The following ITIH4 variants were observed in gnomAD, a reference collection of about 807,000 sequenced individuals.
The protein encoded by ITIH4 is inter-alpha-trypsin inhibitor heavy chain H4.
In ITIH4, 79 loss-of-function variants were observed where a neutral mutation model predicts 111.8. The observed-to-expected ratio is 0.71, with a 90% CI of 0.59 to 0.85. The LOEUF (loss-of-function observed/expected upper bound fraction) is 0.85. ITIH4 is among the 40% of genes least tolerant of loss of function. ITIH4 has a pLI of 0.00. For missense variants in ITIH4, 1,065 were observed against 1,195.8 expected (o/e 0.89, Z 1.61); for synonymous variants, 472 against 468.3 (o/e 1.01, Z -0.10).
At chr3:52,828,850 CAA>C (rs909777906) in intron 2 of ITIH4, among the ~76,000 whole-genome samples, 30 of 152,306 alleles carry the variant, frequency 2.0e-4, no homozygotes, top group Non-Finnish European at 3.5e-4. Context: ...TCCTCAAAGG[CAA>C]AGTCACAAAG....
At position 52,824,691 on chromosome 3, in the gene ITIH4, C is replaced by T; in HGVS notation, c.877-126G>A. ...ATGGTATCTGCTCTAGGAACAGGGGCTGCCCTAGGCTCTGGCCAACCTTGG... is the reference window on the plus strand; with the variant it reads ...ATGGTATCTGCTCTAGGAACAGGGGTTGCCCTAGGCTCTGGCCAACCTTGG... On this transcript the variant is annotated intron_variant, in intron 7 of 23. Transcript: ENST00000266041. The surrounding 1 kb of genome is among the most constrained non-coding windows in gnomAD (Gnocchi z 4.3). 2 of 1,277,728 alleles carry T rather than the reference C, an allele frequency of 1.6e-6. No homozygotes were observed. The highest frequency in any genetic ancestry group is 1.5e-5 in the African/African-American group (1 of 67,334). The allele number at this position is 1,277,728 out of a possible 1,614,324, so 79.1% of individuals were successfully genotyped here.
Position 52,823,740 on chromosome 3 carries a change from T to A in ITIH4, c.1355A>T (p.Asp452Val). 6.2e-7 allele frequency: 1 copy of A among 1,614,118 alleles called. No homozygotes were observed. Among genetic ancestry groups the A allele is most frequent in the Non-Finnish European group, 8.5e-7 (1 of 1,180,010 alleles). ...TGGGTTGGCCACTTCCTGGTAGAAG[T>A]CCTGCAGGGTTGGGGGTGTCATAAA... is the stretch of plus-strand genomic sequence containing the variant. ...EDSDSALQLQ[D>V]FYQEVANPLL... Residue 452 changes from aspartate (D) to valine (V), a missense_variant and splice_region_variant, in exon 11 of 24, where the codon GAC (aspartate) becomes GTC (valine). Asp to Val is a radical substitution (Grantham distance 152). Coordinates refer to ENST00000266041, the MANE Select transcript of ITIH4 (RefSeq NM_002218.5).
chr3:52,813,317 G>T lies in ITIH4; in HGVS notation c.*104C>A. Reference sequence around the variant, plus strand: ...CACACCACCTTTCTTTATTTGTAATGAGTGGGACTCTTCCTCCCCATGGTG... The same window carrying T: ...CACACCACCTTTCTTTATTTGTAATTAGTGGGACTCTTCCTCCCCATGGTG... On this transcript the variant is annotated 3_prime_UTR_variant, in exon 24 of 24. Coordinates refer to ENST00000266041, the MANE Select transcript of ITIH4 (RefSeq NM_002218.5). The T allele has an allele frequency of 1.0e-6, 1 of 1,001,342 alleles. No homozygotes were observed. The highest frequency in any genetic ancestry group is 1.3e-5 in the South Asian group (1 of 76,250). The allele number at this position is 1,001,342 out of a possible 1,614,324, so 62.0% of individuals were successfully genotyped here. A position where few individuals can be genotyped will look rare whatever the true frequency, so the allele number is the denominator to read the frequency against.
At chr3:52,820,383 GT>G in intron 13 of ITIH4, 66 bp from the exon 14 acceptor site, 2 of 1,547,484 alleles carry the variant, frequency 1.3e-6, no homozygotes, top group South Asian at 2.3e-5. Flanking sequence ...CGTCAGGGTG[GT>G]TTTCATCAAT....
Position 52,813,020 on chromosome 3 carries a change from A to C in ITIH4, c.*401T>G, listed in dbSNP as rs1312230255. 1 of 166,996 alleles carries C rather than the reference A, an allele frequency of 6.0e-6. No individual in the cohort carries two copies. Among genetic ancestry groups the C allele is most frequent in the African/African-American group, 2.5e-5 (1 of 40,494 alleles). 10.3% of individuals were successfully genotyped at this position (166,996 alleles called of 1,614,324 possible). On this transcript the variant is annotated 3_prime_UTR_variant, in exon 24 of 24. Coordinates refer to ENST00000266041, the MANE Select transcript of ITIH4 (RefSeq NM_002218.5). ...TCAAAACTGGTCCAAGAGACCATGA[A>C]GCAGACTGAACCTCTGCTCCTGGAG...
rs150647947 is a variant in ITIH4, at chr3:52,824,510, T to C, written c.932A>G (p.Asn311Ser). The C allele has an allele frequency of 6.2e-7, 1 of 1,614,080 alleles. No homozygotes were observed. Among genetic ancestry groups the C allele is most frequent in the Non-Finnish European group, 8.5e-7 (1 of 1,180,018 alleles). ...TGCTTCTGTACTGAAGACGATGAGG[T>C]TGAACTGGTCTCTGGGGCTGAGGTC... ...LDDLSPRDQF[N>S]LIVFSTEATQ... Residue 311 changes from asparagine (N) to serine (S), a missense_variant, in exon 8 of 24, where the codon AAC becomes AGC. Physicochemically the swap from Asn to Ser is conservative, Grantham distance 46. Transcript: ENST00000266041. This position sits in a 1 kb window ranked among gnomAD's most constrained non-coding sequence, Gnocchi z 4.3.
intron 20 of ITIH4, 55 bp from the exon 21 acceptor site, chr3:52,817,113 G>T: frequency 6.6e-7 from 1 of 1,506,046 alleles, no homozygotes; most frequent in Non-Finnish European, 9.1e-7. Context: ...GTCTGACACC[G>T]ACCTGCATGG....
intron 11 of ITIH4, 56 bp downstream of exon 11, chr3:52,823,500 T>C (rs1268180827): frequency 2.1e-6 from 3 of 1,460,760 alleles, no homozygotes; most frequent in Non-Finnish European, 2.8e-6. Flanking sequence ...CCAGCCCCTC[T>C]GGCTGCAGAG....
At chr3:52,825,055 G>C (rs2154111570) in intron 6 of ITIH4, 97 bp from the exon 7 acceptor site, 2 of 763,236 alleles carry the variant, frequency 2.6e-6, no homozygotes, top group East Asian at 2.7e-5. Flanking sequence ...TCTGTGCTCT[G>C]TTCCAATCCC....
chr3:52,814,442 C>T lies in ITIH4; in HGVS notation c.2472-79G>A, dbSNP rs1700243873. The T allele has an allele frequency of 3.1e-6, 4 of 1,275,032 alleles. No homozygotes were observed. In the Admixed American group the frequency reaches 7.2e-5, roughly 23 times the overall value. The allele number at this position is 1,275,032 out of a possible 1,614,324, so 79.0% of individuals were successfully genotyped here. ...CTCAGTAGTCAGGGTGGGGAGTGGG[C>T]TGGGCTTCCCCTCTTGTCCAGGAAG... On this transcript the variant is annotated intron_variant, in intron 21 of 23. Coordinates refer to ENST00000266041, the MANE Select transcript of ITIH4 (RefSeq NM_002218.5).
intron 21 of ITIH4, 145 bp from the exon 22 acceptor site, chr3:52,814,508 G>C (rs770768817): frequency 1.5e-6 from 1 of 659,170 alleles, no homozygotes; most frequent in Non-Finnish European, 2.7e-6. Context: ...TAAATCTTCT[G>C]ATTTCAGTTT....
intron 21 of ITIH4, among the ~76,000 whole-genome samples, chr3:52,814,864 G>A (rs546804465): frequency 5.3e-5 from 8 of 152,054 alleles, no homozygotes; most frequent in Admixed American, 2.0e-4. Flanking sequence ...GATTACAGGC[G>A]TGAGCCACCG....
rs201293566 is a variant in ITIH4 at position 52,818,006 on chromosome 3, G to C, written c.2296+46C>G. 50 of 1,406,222 alleles carry C rather than the reference G, an allele frequency of 3.6e-5. No individual in the cohort carries two copies. In the East Asian group the frequency reaches 1.1e-3, roughly 31 times the overall value. The allele number at this position is 1,406,222 out of a possible 1,614,324, so 87.1% of individuals were successfully genotyped here. On this transcript the variant is annotated intron_variant, in intron 20 of 23. Coordinates refer to ENST00000266041, the MANE Select transcript of ITIH4 (RefSeq NM_002218.5). ...GTGTGTCTCTGTAGGCAGGTGGTGG[G>C]TGTGTGCCAGTGGTGTCTGGGTCTC...
intron 17 of ITIH4, 84 bp downstream of exon 17, chr3:52,819,309 G>C: frequency 6.5e-7 from 1 of 1,534,602 alleles, no homozygotes; most frequent in Non-Finnish European, 9.0e-7. Context: ...TGTGGTGCGT[G>C]CTTTACCCCA....
chr3:52,816,350 C>A (rs1700277120), intron 21 of ITIH4, among the ~76,000 whole-genome samples: 1 of 152,236 alleles, frequency 6.6e-6, no homozygotes, highest in African/African-American at 2.4e-5. Context: ...CTTAGCAAAG[C>A]TCCAAGGATA....
chr3:52,823,267 G>A (rs963493187), intron 11 of ITIH4: 24 of 367,028 alleles, frequency 6.5e-5, no homozygotes, highest in African/African-American at 4.6e-4. Flanking sequence ...CTGTCTGACT[G>A]CAACCTGAGA....
chr3:52,814,414 A>C, intron 21 of ITIH4, 51 bp from the exon 22 acceptor site: 1 of 1,546,922 alleles, frequency 6.5e-7, no homozygotes, highest in African/African-American at 1.4e-5. Flanking sequence ...GTGTGCACAG[A>C]ACCTCAGTAG....
intron 20 of ITIH4, 104 bp downstream of exon 20, chr3:52,817,948 G>T: frequency 2.3e-6 from 2 of 859,674 alleles, no homozygotes; most frequent in Non-Finnish European, 4.0e-6. Context: ...TGATCTGGGA[G>T]GGGCCTGTGT....
rs74615188 is a variant in ITIH4 at position 52,827,351 on chromosome 3, C to T, written c.252-154G>A. On this transcript the variant is annotated intron_variant, in intron 2 of 23. Transcript: ENST00000266041. ...CCAGTGCCATTTATTATGCACCTAC[C>T]GCATACAGGACCCTGTGCAGGGCAC... Among the ~76,000 whole-genome samples, 17 of 152,318 alleles carry T rather than the reference C, an allele frequency of 1.1e-4. No individual in the cohort carries two copies. The East Asian group carries it at 1.4e-3, about 12-fold the overall frequency.
Sources: gnomAD v4.1 joint callset for allele counts (sites outside exome capture counted in the v4.1 genomes callset) on GRCh38, gnomAD v4.1.1 for gene constraint, Gnocchi (gnomAD v3.1) non-coding constraint, MANE v1.5 for transcripts, NCBI Gene and HGNC (gene_info 2026-07-23, HGNC 2026-07-21) for gene names.